Variants in METTL24 observed in about 807,000 individuals in gnomAD.
METTL24 encodes methyltransferase like 24.
A neutral mutation model predicts 32.7 loss-of-function variants in METTL24; 29 were observed. The ratio of observed to expected loss-of-function variants is 0.89; its 90% CI spans 0.66 to 1.21. METTL24 has a LOEUF of 1.21. METTL24 is among the 50% of genes most tolerant of loss of function. The pLI is 0.00. For missense variants in METTL24, 439 were observed against 468.1 expected (o/e 0.94, Z 0.57); for synonymous variants, 163 against 179.5 (o/e 0.91, Z 0.73).
rs1318319046 is a variant in METTL24 at position 110,348,540 on chromosome 6, TG to T, written c.318+9414del. On this transcript the variant is annotated intron_variant, in intron 1 of 4. Transcript: ENST00000338882. ...TATTTTGCTAATCAGGATTTTTAAG[TG>T]ATCGTGCTCTAGTCAAAGTACATGA... Among the ~76,000 whole-genome samples the T allele has an allele frequency of 2.6e-5, 4 of 152,278 alleles. No individual in the cohort carries two copies. The East Asian group carries it at 7.7e-4, about 29-fold the overall frequency.
At chr6:110,258,788 T>TTA (rs1778432488) in intron 4 of METTL24, among the ~76,000 whole-genome samples, 1 of 121,792 alleles carries the variant, frequency 8.2e-6, no homozygotes, top group Non-Finnish European at 1.7e-5. Flanking sequence ...TTAGATGCAT[T>TTA]TACACACACA....
chr6:110,273,344 T>C (rs537855206), intron 4 of METTL24, among the ~76,000 whole-genome samples: 1 of 152,292 alleles, frequency 6.6e-6, no homozygotes, highest in East Asian at 1.9e-4. Flanking sequence ...CACAAAATTT[T>C]CTTGCAATGA....
chr6:110,274,772 CTTTT>C (rs34193104), intron 4 of METTL24, among the ~76,000 whole-genome samples: 1 of 113,556 alleles, frequency 8.8e-6, no homozygotes, highest in Non-Finnish European at 2.0e-5. Flanking sequence ...ATTTTGGTAG[CTTTT>C]TTTTTTTTTT....
At chr6:110,305,616 C>T (rs1466570674) in intron 3 of METTL24, among the ~76,000 whole-genome samples, 2 of 151,314 alleles carry the variant, frequency 1.3e-5, no homozygotes, top group Non-Finnish European at 2.9e-5. Flanking sequence ...CAAATCAAAA[C>T]CACAATGAGA....
At chr6:110,344,993 A>G (rs1322337041) in intron 1 of METTL24, among the ~76,000 whole-genome samples, 2 of 152,228 alleles carry the variant, frequency 1.3e-5, no homozygotes, top group Non-Finnish European at 2.9e-5. Context: ...GTTAGCAAAC[A>G]ACCTGTAGTG....
chr6:110,266,569 C>T (rs546252038), intron 4 of METTL24, among the ~76,000 whole-genome samples: 1 of 152,092 alleles, frequency 6.6e-6, no homozygotes, highest in Non-Finnish European at 1.5e-5. Context: ...AGTTCTCCTG[C>T]GACAGTTCTC....
intron 4 of METTL24, among the ~76,000 whole-genome samples, chr6:110,281,912 A>G (rs116568140): frequency 1.1e-3 from 172 of 152,286 alleles, no homozygotes; most frequent in Non-Finnish European, 2.1e-3. Context: ...GTCACTAAGT[A>G]AAATATTTTC....
At chr6:110,322,690 G>T in intron 2 of METTL24, 84 bp downstream of exon 2, 1 of 1,168,296 alleles carries the variant, frequency 8.6e-7, no homozygotes, top group Non-Finnish European at 1.2e-6. Flanking sequence ...GAGTCGCTGA[G>T]AACCTCCCCC....
intron 4 of METTL24, among the ~76,000 whole-genome samples, chr6:110,266,570 G>A (rs977742422): frequency 1.1e-4 from 16 of 152,000 alleles, no homozygotes; most frequent in East Asian, 1.9e-4. Flanking sequence ...GTTCTCCTGC[G>A]ACAGTTCTCA....
At chr6:110,309,014 T>C (rs1456087341) in intron 3 of METTL24, among the ~76,000 whole-genome samples, 1 of 152,122 alleles carries the variant, frequency 6.6e-6, no homozygotes, top group African/African-American at 2.4e-5. Context: ...AGAGGCTTCT[T>C]TTTTGGGGTA....
At position 110,315,369 on chromosome 6, in the gene METTL24, T is replaced by C. The variant is rs200227481; in HGVS notation, c.530A>G (p.Asn177Ser). The change falls in exon 3 of 5, where the codon AAC (asparagine) becomes AGC (serine). Residue 177 changes from asparagine to serine, a missense_variant. Asn to Ser is a conservative substitution (Grantham distance 46). Coordinates refer to ENST00000338882, the MANE Select transcript of METTL24 (RefSeq NM_001123364.3). ...DRFNLAHQIRNKQCRLYSLGL... is the reference protein window; with the variant it reads ...DRFNLAHQIRSKQCRLYSLGL... ...TAAGGAGTAGAGGCGGCACTGCTTG[T>C]TGCGGATTTGATGAGCTAAATTGAA... The C allele has an allele frequency of 3.1e-6, 5 of 1,614,164 alleles. No homozygotes were observed. Among genetic ancestry groups the C allele is most frequent in the East Asian group, 2.2e-5 (1 of 44,890 alleles).
chr6:110,309,685 T>G (rs991957617), intron 3 of METTL24, among the ~76,000 whole-genome samples: 7 of 152,134 alleles, frequency 4.6e-5, no homozygotes, highest in African/African-American at 1.7e-4. Context: ...GATCTCTTAT[T>G]CACTGTCACG....
intron 4 of METTL24, among the ~76,000 whole-genome samples, chr6:110,248,462 C>G (rs755946169): frequency 2.0e-5 from 3 of 152,176 alleles, no homozygotes; most frequent in African/African-American, 7.2e-5. Context: ...TGGTAATACC[C>G]GAAGAATACT....
chr6:110,358,159 G>T lies in METTL24; in HGVS notation c.114C>A (p.Pro38=). The T allele has an allele frequency of 8.3e-7, 1 of 1,203,688 alleles. No homozygotes were observed. The highest frequency in any genetic ancestry group is 1.6e-5 in the African/African-American group (1 of 62,684). 74.6% of individuals were successfully genotyped at this position (1,203,688 alleles called of 1,614,324 possible). Residue 38 remains proline, a synonymous_variant, in exon 1 of 5, where the codon CCC becomes CCA. Coordinates refer to ENST00000338882, the MANE Select transcript of METTL24 (RefSeq NM_001123364.3). Reference sequence around the variant, plus strand: ...GCGGGGCGCTGCGGGTGGGGGACCCGGGCCCGGCGCGCCGCAGCTCTGCGC... The same window carrying T: ...GCGGGGCGCTGCGGGTGGGGGACCCTGGCCCGGCGCGCCGCAGCTCTGCGC... ...RLCAELRRAG[P]GSPTRSAPPG...
Position 110,250,144 on chromosome 6 carries a change from G to A in METTL24, c.787-3884C>T, listed in dbSNP as rs147977231. On this transcript the variant is annotated intron_variant, in intron 4 of 4. Transcript: ENST00000338882. The stretch of plus-strand genomic sequence containing the variant: ...CTTGTATCCATTTCCAAGGGCTGCC[G>A]TAACAAAAGACCATGGATTGGGAGG... Among the ~76,000 whole-genome samples the A allele has an allele frequency of 2.6e-4, 39 of 151,996 alleles. No homozygotes were observed. In the East Asian group the frequency reaches 6.2e-3, roughly 24 times the overall value.
chr6:110,333,045 A>G (rs1411274039), intron 1 of METTL24, among the ~76,000 whole-genome samples: 1 of 152,038 alleles, frequency 6.6e-6, no homozygotes. Flanking sequence ...CTGCCTCCAC[A>G]TGTATACACA....
At chr6:110,344,120 T>G (rs1488109013) in intron 1 of METTL24, among the ~76,000 whole-genome samples, 1 of 152,148 alleles carries the variant, frequency 6.6e-6, no homozygotes, top group Non-Finnish European at 1.5e-5. Flanking sequence ...GTTATAAGGG[T>G]GGGTAACGGA....
Position 110,326,377 on chromosome 6 carries a change from G to A in METTL24, c.319-3505C>T, listed in dbSNP as rs530570575. ...ATAGATCATTTTCCCTGCATCTCTA[G>A]GTCTTCATTTCTGAAGGCTTCCATG... On this transcript the variant is annotated intron_variant, in intron 1 of 4. Coordinates refer to ENST00000338882, the MANE Select transcript of METTL24 (RefSeq NM_001123364.3). Among the ~76,000 whole-genome samples, 4 of 152,260 alleles carry A rather than the reference G, an allele frequency of 2.6e-5. No individual in the cohort carries two copies. In the South Asian group the frequency reaches 8.3e-4, roughly 32 times the overall value.
intron 1 of METTL24, among the ~76,000 whole-genome samples, chr6:110,353,574 T>C (rs1178636407): frequency 6.8e-6 from 1 of 146,530 alleles, no homozygotes; most frequent in Non-Finnish European, 1.5e-5. Context: ...TTTTTCCGCC[T>C]GACACATGGT....
Sources: allele counts gnomAD v4.1 joint callset (sites outside exome capture counted in the v4.1 genomes callset), GRCh38; gene constraint gnomAD v4.1.1; transcripts MANE v1.5; gene names NCBI Gene and HGNC (gene_info 2026-07-23, HGNC 2026-07-21).